Variants in FAM168A observed in about 807,000 individuals in gnomAD.
FAM168A encodes the protein family with sequence similarity 168 member A, also known as protein FAM168A.
FAM168A carries 3 observed loss-of-function variants against 28.5 expected under a neutral mutation model. The observed-to-expected ratio is 0.11, with a 90% confidence interval of 0.05 to 0.27. FAM168A has a LOEUF of 0.27. Ranked by LOEUF, FAM168A falls within the 10% of genes least tolerant of loss-of-function variation. FAM168A has a pLI of 1.00. For synonymous variants in FAM168A, 122 were observed against 124.2 expected (o/e 0.98, Z 0.12); for missense variants, 222 against 311.5 (o/e 0.71, Z 2.16).
chr11:73,417,459 A>G (rs1161109989), intron 4 of FAM168A, among the ~76,000 whole-genome samples: 1 of 152,040 alleles, frequency 6.6e-6, no homozygotes, highest in Non-Finnish European at 1.5e-5. Flanking sequence ...AAGAGAGAAC[A>G]TGTATATCCC....
chr11:73,509,977 T>C (rs560082321), intron 1 of FAM168A, among the ~76,000 whole-genome samples: 6 of 152,274 alleles, frequency 3.9e-5, no homozygotes, highest in Non-Finnish European at 8.8e-5. Context: ...TTTACCGCCA[T>C]TCACTTAATT....
At chr11:73,425,120 A>T in intron 3 of FAM168A, 1 of 1,162,514 alleles carries the variant, frequency 8.6e-7, no homozygotes, top group Non-Finnish European at 1.2e-6. Flanking sequence ...GCAGTTACAT[A>T]AACAGACTTT....
At chr11:73,569,060 C>T (rs921774139) in intron 1 of FAM168A, among the ~76,000 whole-genome samples, 4 of 152,080 alleles carry the variant, frequency 2.6e-5, no homozygotes, top group Non-Finnish European at 4.4e-5. Flanking sequence ...TAAGTGTAAT[C>T]CCTCTCTTAT....
intron 1 of FAM168A, among the ~76,000 whole-genome samples, chr11:73,529,205 C>T (rs899972616): frequency 6.6e-6 from 1 of 152,170 alleles, no homozygotes. Flanking sequence ...ATTTCTACTG[C>T]TATCAGCTAG....
intron 1 of FAM168A, among the ~76,000 whole-genome samples, chr11:73,588,161 C>A (rs1341381229): frequency 1.3e-5 from 2 of 152,024 alleles, no homozygotes; most frequent in African/African-American, 4.8e-5. Flanking sequence ...TAATAAACAC[C>A]ATTTTTACTT....
At chr11:73,502,304 A>C (rs1015065496) in intron 1 of FAM168A, among the ~76,000 whole-genome samples, 1 of 152,152 alleles carries the variant, frequency 6.6e-6, no homozygotes, top group African/African-American at 2.4e-5. Flanking sequence ...AAAAAATGAC[A>C]AAGGGGATAT....
intron 2 of FAM168A, among the ~76,000 whole-genome samples, chr11:73,435,701 A>C (rs1867073995): frequency 1.3e-5 from 2 of 151,898 alleles, no homozygotes; most frequent in Non-Finnish European, 1.5e-5. Context: ...TAATCTCAAC[A>C]CTCTGGGAGG....
At chr11:73,446,315 T>G (rs1867314261) in intron 2 of FAM168A, among the ~76,000 whole-genome samples, 1 of 152,184 alleles carries the variant, frequency 6.6e-6, no homozygotes. Flanking sequence ...TAACTCTCAG[T>G]AGCTGGATGA....
intron 1 of FAM168A, among the ~76,000 whole-genome samples, chr11:73,570,667 G>A (rs1472893187): frequency 6.6e-6 from 1 of 150,846 alleles, no homozygotes; most frequent in Non-Finnish European, 1.5e-5. Flanking sequence ...CTGGGAAGCT[G>A]AGGCTGCAAT....
intron 1 of FAM168A, among the ~76,000 whole-genome samples, chr11:73,471,941 C>T (rs1481582834): frequency 6.6e-6 from 1 of 152,106 alleles, no homozygotes; most frequent in Admixed American, 6.5e-5. Context: ...GGCAGCATAG[C>T]AGGAGGTGAG....
At chr11:73,444,878 T>C (rs545343431) in intron 2 of FAM168A, among the ~76,000 whole-genome samples, 1 of 152,380 alleles carries the variant, frequency 6.6e-6, no homozygotes, top group South Asian at 2.1e-4. Context: ...TGTTCCTCTA[T>C]GTTCTTCTCA....
At chr11:73,437,920 C>T (rs1341663210) in intron 2 of FAM168A, among the ~76,000 whole-genome samples, 1 of 152,174 alleles carries the variant, frequency 6.6e-6, no homozygotes, top group Non-Finnish European at 1.5e-5. Flanking sequence ...TGACTGCTCA[C>T]CTGTGATCAG....
intron 2 of FAM168A, among the ~76,000 whole-genome samples, chr11:73,437,642 T>C (rs1340981811): frequency 6.6e-6 from 1 of 152,038 alleles, no homozygotes; most frequent in African/African-American, 2.4e-5. Flanking sequence ...ATCTGACTTA[T>C]TAAGAATCTT....
At chr11:73,582,029 T>A (rs1472038455) in intron 1 of FAM168A, among the ~76,000 whole-genome samples, 2 of 152,062 alleles carry the variant, frequency 1.3e-5, no homozygotes, top group African/African-American at 4.8e-5. Flanking sequence ...CTTATTTGTT[T>A]ATACCTTGTC....
chr11:73,579,828 G>A (rs143294237), intron 1 of FAM168A, among the ~76,000 whole-genome samples: 88 of 152,318 alleles, frequency 5.8e-4, no homozygotes, highest in Middle Eastern at 6.8e-3. Context: ...GCAAGCATAA[G>A]TCTTCTGACA....
chr11:73,437,181 T>C lies in FAM168A; in HGVS notation c.71-6411A>G, dbSNP rs535144199. On this transcript the variant is annotated intron_variant, in intron 2 of 7. Coordinates refer to ENST00000356467, the MANE Select transcript of FAM168A (RefSeq NM_015159.3). ...GGCGCTATCTCGGCTTACTGCAACCTCCGCCTCCTGGGTTCAAGCAATTCT... is the reference window on the plus strand; with the variant it reads ...GGCGCTATCTCGGCTTACTGCAACCCCCGCCTCCTGGGTTCAAGCAATTCT... Among the ~76,000 whole-genome samples the C allele has an allele frequency of 5.9e-5, 9 of 151,866 alleles. No individual in the cohort carries two copies. In the South Asian group the frequency reaches 1.9e-3, roughly 32 times the overall value.
At chr11:73,477,460 A>G (rs1867904064) in intron 1 of FAM168A, among the ~76,000 whole-genome samples, 1 of 152,196 alleles carries the variant, frequency 6.6e-6, no homozygotes, top group Admixed American at 6.5e-5. Flanking sequence ...TAAGACAACA[A>G]CAACAACACA....
At chr11:73,559,451 C>CA (rs1170398906) in intron 1 of FAM168A, among the ~76,000 whole-genome samples, 32 of 140,758 alleles carry the variant, frequency 2.3e-4, no homozygotes, top group Admixed American at 8.5e-4. Flanking sequence ...GAAACTGTCT[C>CA]AAAAAAAAAA....
Position 73,468,410 on chromosome 11 carries a change from T to C in FAM168A, c.65A>G (p.Tyr22Cys). 1 of 1,614,098 alleles carries C rather than the reference T, an allele frequency of 6.2e-7. No homozygotes were observed. Among genetic ancestry groups the C allele is most frequent in the Non-Finnish European group, 8.5e-7 (1 of 1,179,954 alleles). ...APYGNPKNMA[Y>C]TGYPTAYPAA... Reference sequence around the variant, plus strand: ...GCCATTCTCACACTACTCACCCGTGTAGGCCATGTTCTTAGGGTTGCCATA... The same window carrying C: ...GCCATTCTCACACTACTCACCCGTGCAGGCCATGTTCTTAGGGTTGCCATA... Residue 22 changes from tyrosine to cysteine, a missense_variant, in exon 2 of 8, where the codon TAC (tyrosine) becomes TGC (cysteine). This residue lies in a region of FAM168A where 153 missense variants were observed against 189.2 expected (regional missense o/e 0.81). Transcript: ENST00000356467.
Sources: gnomAD v4.1 joint callset for allele counts (sites outside exome capture counted in the v4.1 genomes callset) on GRCh38, gnomAD v4.1.1 for gene constraint, gnomAD v4.1.1 regional missense constraint, MANE v1.5 for transcripts, NCBI Gene and HGNC (gene_info 2026-07-23, HGNC 2026-07-21) for gene names.